SLC2A3: variants seen among roughly 807,000 people sequenced by gnomAD.
The protein encoded by SLC2A3 is solute carrier family 2 member 3.
SLC2A3 carries 21 observed loss-of-function variants against 46.4 expected under a neutral mutation model. That is an observed-to-expected ratio of 0.45 (90% CI 0.32 to 0.65). The LOEUF (loss-of-function observed/expected upper bound fraction) is 0.65, where lower values mean the gene tolerates loss of function less well. Ranked by LOEUF, SLC2A3 falls within the 30% of genes least tolerant of loss-of-function variation. The pLI, the probability that SLC2A3 is intolerant of heterozygous loss-of-function variation, is 0.04. For missense variants in SLC2A3, 499 were observed against 623.3 expected, an observed-to-expected ratio of 0.80 and a Z score of 2.12; for synonymous variants, 213 against 239.4, an observed-to-expected ratio of 0.89 and a Z score of 1.02.
At chr12:7,931,579 T>A in intron 3 of SLC2A3, 94 bp from the exon 4 acceptor site, 1 of 1,512,716 alleles carries the variant, frequency 6.6e-7, no homozygotes. Context: ...TCCAGGCTCA[T>A]ATCATCCCTT....
At chr12:7,923,785 TGA>T (rs918847416) in intron 8 of SLC2A3, among the ~76,000 whole-genome samples, 3 of 136,906 alleles carry the variant, frequency 2.2e-5, no homozygotes, top group African/African-American at 5.2e-5. Context: ...TTTTTTTTTT[TGA>T]GAGAGAGTTT....
chr12:7,933,302 C>T (rs73260674), intron 2 of SLC2A3, 155 bp from the exon 3 acceptor site: 15,605 of 856,436 alleles, frequency 0.018, 809 homozygotes, highest in African/African-American at 0.12. Context: ...TGTTAACTCT[C>T]GCTGGAATAG....
intron 5 of SLC2A3, chr12:7,930,141 A>ATG (rs1039601473): frequency 1.6e-6 from 1 of 614,214 alleles, no homozygotes; most frequent in African/African-American, 1.9e-5. Context: ...ATGCGCCCCC[A>ATG]TGCCCGGCTA....
intron 1 of SLC2A3, among the ~76,000 whole-genome samples, chr12:7,935,166 C>T (rs1946199152): frequency 6.6e-6 from 1 of 152,092 alleles, no homozygotes; most frequent in African/African-American, 2.4e-5. Flanking sequence ...TAAAAAATGC[C>T]TTTCTTGCTG....
At chr12:7,932,348 T>C (rs930369628) in intron 3 of SLC2A3, among the ~76,000 whole-genome samples, 1 of 152,046 alleles carries the variant, frequency 6.6e-6, no homozygotes, top group African/African-American at 2.4e-5. Flanking sequence ...CGGCTAATTT[T>C]TGTATTTTTG....
At chr12:7,934,163 G>A (rs1183937110) in intron 1 of SLC2A3, among the ~76,000 whole-genome samples, 1 of 152,104 alleles carries the variant, frequency 6.6e-6, no homozygotes, top group Non-Finnish European at 1.5e-5. Flanking sequence ...AACTGGGTTG[G>A]TCAGTTTGGA....
intron 4 of SLC2A3, 25 bp downstream of exon 4, chr12:7,931,220 T>C (rs769674557): frequency 5.0e-6 from 8 of 1,613,414 alleles, no homozygotes; most frequent in Middle Eastern, 3.3e-4. Flanking sequence ...CTAACACTCA[T>C]TAAGTATGAG....
intron 4 of SLC2A3, 95 bp downstream of exon 4, chr12:7,931,150 A>G: frequency 1.3e-6 from 2 of 1,550,412 alleles, no homozygotes; most frequent in African/African-American, 1.4e-5. Flanking sequence ...ATGTAATTGA[A>G]CATGTGCCAG....
At chr12:7,925,816 CT>C (rs1224190242) in intron 7 of SLC2A3, 27 bp downstream of exon 7, 1 of 1,560,748 alleles carries the variant, frequency 6.4e-7, no homozygotes, top group Non-Finnish European at 8.8e-7. Context: ...CTTTTCTCCC[CT>C]CAAAATTACC....
chr12:7,930,703 A>C (rs1946142839), intron 4 of SLC2A3, 61 bp from the exon 5 acceptor site: 1 of 1,507,326 alleles, frequency 6.6e-7, no homozygotes. Flanking sequence ...AAGTTCATTA[A>C]AACACAAAAA....
Position 7,921,325 on chromosome 12 carries a change from C to A in SLC2A3, c.*88G>T. 5.0e-6 allele frequency: 8 copies of A among 1,593,140 alleles called. No homozygotes were observed. The highest frequency in any genetic ancestry group is 6.0e-6 in the Non-Finnish European group (7 of 1,168,192). On this transcript the variant is annotated 3_prime_UTR_variant, in exon 10 of 10. Coordinates refer to ENST00000075120, the MANE Select transcript of SLC2A3 (RefSeq NM_006931.3). ...GGAATTAAGTAGCAGCATTCAGAAG[C>A]GTCCTGGGTTCATCCTGATGAGGTC...
At chr12:7,932,807 A>G (rs767695742) in intron 3 of SLC2A3, 180 bp downstream of exon 3, 11 of 822,902 alleles carry the variant, frequency 1.3e-5, no homozygotes, top group African/African-American at 3.5e-5. Flanking sequence ...GGAGCTCTCC[A>G]GGGTAGTAGA....
chr12:7,923,451 TAAG>T (rs1262347128), intron 8 of SLC2A3, among the ~76,000 whole-genome samples: 6 of 152,224 alleles, frequency 3.9e-5, no homozygotes, highest in East Asian at 3.9e-4. Context: ...CAGTCTCTAC[TAAG>T]AAGTACAAAA....
intron 6 of SLC2A3, among the ~76,000 whole-genome samples, chr12:7,927,421 C>T (rs1480008992): frequency 6.6e-6 from 1 of 152,078 alleles, no homozygotes; most frequent in African/African-American, 2.4e-5. Flanking sequence ...AATAAAATTT[C>T]TCATAGTAAA....
chr12:7,929,395 T>C (rs1946128977), intron 6 of SLC2A3: 1 of 403,120 alleles, frequency 2.5e-6, no homozygotes. Flanking sequence ...CTATACTAGT[T>C]GTAAAAACAG....
chr12:7,924,415 AT>A lies in SLC2A3; in HGVS notation c.1062del (p.Leu354PhefsTer2). 1 of 1,610,908 alleles carries A rather than the reference AT, an allele frequency of 6.2e-7. No homozygotes were observed. The highest frequency in any genetic ancestry group is 8.5e-7 in the Non-Finnish European group (1 of 1,179,238). On this transcript the variant is annotated frameshift_variant, in exon 8 of 10. Transcript: ENST00000075120. LOFTEE classifies it high-confidence loss of function. Reference protein sequence around the residue: ...FCSTLMTVSLLLKDNYNGMSF... With the variant: ...FCSTLMTVSLXLKDNYNGMSF... ...TTCACCCAAAGAGCACCTACCTTTA[AT>A]AACAAAGAAACAGTCATGAGCGTGG...
intron 5 of SLC2A3, 87 bp downstream of exon 5, chr12:7,930,393 G>A (rs1946139304): frequency 1.3e-5 from 17 of 1,323,998 alleles, no homozygotes; most frequent in Non-Finnish European, 1.8e-5. Context: ...CAGGGAAAGA[G>A]TGTAACAGAA....
chr12:7,935,410 C>T lies in SLC2A3; in HGVS notation c.15+610G>A, dbSNP rs189309818. Among the ~76,000 whole-genome samples the T allele has an allele frequency of 4.2e-3, 635 of 152,170 alleles. 8 individuals are homozygous for T. The highest frequency in any genetic ancestry group is 6.8e-3 in the Middle Eastern group (2 of 294). On this transcript the variant is annotated intron_variant, in intron 1 of 9. Transcript: ENST00000075120. ...GAGGCTGTGGTGAGCTGCGGTCGCT[C>T]CATTGCACTCCAGCCTGGGCAACAA...
intron 1 of SLC2A3, among the ~76,000 whole-genome samples, chr12:7,935,724 C>CCGATCCT (rs1452448664): frequency 6.6e-6 from 1 of 152,068 alleles, no homozygotes; most frequent in Non-Finnish European, 1.5e-5. Flanking sequence ...ACCAAGCAGC[C>CCGATCCT]CGATCCTCTA....
Sources: allele counts gnomAD v4.1 joint callset (sites outside exome capture counted in the v4.1 genomes callset), GRCh38; gene constraint gnomAD v4.1.1; transcripts MANE v1.5; gene names NCBI Gene and HGNC (gene_info 2026-07-23, HGNC 2026-07-21).